The following DLG2 variants were observed in gnomAD, a reference collection of about 807,000 sequenced individuals.
DLG2 encodes discs large MAGUK scaffold protein 2, also known as disks large homolog 2.
DLG2 carries 45 observed loss-of-function variants against 132.5 expected under a neutral mutation model. The observed-to-expected ratio is 0.34, with a 90% confidence interval of 0.27 to 0.44. The LOEUF (loss-of-function observed/expected upper bound fraction) is 0.44, where lower values mean the gene tolerates loss of function less well. Ranked by LOEUF, DLG2 falls within the 20% of genes least tolerant of loss-of-function variation. DLG2 has a pLI of 1.00. For synonymous variants in DLG2, 424 were observed against 419.6 expected (o/e 1.01, Z -0.13); for missense variants, 1,045 against 1,196.9 (o/e 0.87, Z 1.87).
In DLG2 at chr11:85,441,704, T is replaced by A. The variant is rs144028131; in HGVS notation, c.41-156339A>T. Among the ~76,000 whole-genome samples the A allele has an allele frequency of 5.3e-5, 8 of 152,330 alleles. No individual in the cohort carries two copies. The East Asian group carries it at 1.4e-3, about 26-fold the overall frequency. ...CACAAAGTGTGGTAAATGCTATGAT[T>A]CACTCATCTAAAAACTACTGTTAGG... On this transcript the variant is annotated intron_variant, in intron 3 of 27. Coordinates refer to ENST00000376104, the MANE Select transcript of DLG2 (RefSeq NM_001142699.3).
At chr11:85,615,102 A>G (rs1192809889) in intron 2 of DLG2, among the ~76,000 whole-genome samples, 1 of 152,244 alleles carries the variant, frequency 6.6e-6, no homozygotes, top group East Asian at 1.9e-4. Context: ...TATTAATAGT[A>G]TAAAACGGTA....
chr11:83,489,880 G>C (rs1345972880), intron 21 of DLG2, among the ~76,000 whole-genome samples: 3 of 151,966 alleles, frequency 2.0e-5, no homozygotes, highest in African/African-American at 4.8e-5. Context: ...CACTGTGAAA[G>C]AAAGGTGAGA....
intron 6 of DLG2, among the ~76,000 whole-genome samples, chr11:85,044,153 A>G (rs1169633567): frequency 6.6e-6 from 1 of 151,878 alleles, no homozygotes; most frequent in Non-Finnish European, 1.5e-5. Flanking sequence ...TCAAGTTTCC[A>G]TTAGCTATAA....
At chr11:84,562,749 CTTTTTTTT>C (rs1307584790) in intron 6 of DLG2, among the ~76,000 whole-genome samples, 1 of 144,014 alleles carries the variant, frequency 6.9e-6, no homozygotes, top group Non-Finnish European at 1.5e-5. Context: ...TTCTTTCTTT[CTTTTTTTT>C]TTTTTCTTTT....
chr11:85,110,630 C>A (rs541702635), intron 6 of DLG2, among the ~76,000 whole-genome samples: 1 of 152,032 alleles, frequency 6.6e-6, no homozygotes, highest in Non-Finnish European at 1.5e-5. Flanking sequence ...CCCACTTTCT[C>A]CCCCCTGCCA....
chr11:85,404,476 T>A (rs1301075099), intron 3 of DLG2, among the ~76,000 whole-genome samples: 3 of 151,958 alleles, frequency 2.0e-5, no homozygotes, highest in Non-Finnish European at 4.4e-5. Flanking sequence ...GAGTAGGGAT[T>A]ATAAAAATTA....
At chr11:83,811,159 T>C (rs1304706132) in intron 17 of DLG2, among the ~76,000 whole-genome samples, 1 of 152,176 alleles carries the variant, frequency 6.6e-6, no homozygotes, top group Non-Finnish European at 1.5e-5. Context: ...TGCAGAGTTA[T>C]ATTGAGAACT....
At chr11:84,639,140 G>A (rs1348108095) in intron 6 of DLG2, among the ~76,000 whole-genome samples, 1 of 152,004 alleles carries the variant, frequency 6.6e-6, no homozygotes, top group Admixed American at 6.6e-5. Context: ...TCCTCATTCA[G>A]TAAACCAATA....
intron 8 of DLG2, among the ~76,000 whole-genome samples, chr11:84,204,056 C>T (rs1159855631): frequency 6.6e-6 from 1 of 152,170 alleles, no homozygotes; most frequent in Non-Finnish European, 1.5e-5. Context: ...CTCCCAGGTT[C>T]AAGTGATTCT....
chr11:83,917,070 T>A (rs1366581465), intron 15 of DLG2, among the ~76,000 whole-genome samples: 1 of 152,196 alleles, frequency 6.6e-6, no homozygotes, highest in Admixed American at 6.5e-5. Context: ...TTTAGGCTTA[T>A]TTGCAATGTG....
rs148707784 is a variant in DLG2 at position 84,772,639 on chromosome 11, C to T, written c.358-237908G>A. 1.3e-3 allele frequency among the ~76,000 whole-genome samples: 203 copies of T among 152,154 alleles called. 4 individuals are homozygous for T. The East Asian group carries it at 0.017, about 13-fold the overall frequency. On this transcript the variant is annotated intron_variant, in intron 6 of 27. Transcript: ENST00000376104. ...ATAAAAAAAGAAACCAATACCAAGA[C>T]GAACTCTCAAGACCACACAATTACA... is the stretch of plus-strand genomic sequence containing the variant.
intron 9 of DLG2, among the ~76,000 whole-genome samples, chr11:84,139,454 T>TACAGAAATATAGAGCCAAA (rs1555371041): frequency 6.6e-6 from 1 of 152,156 alleles, no homozygotes; most frequent in African/African-American, 2.4e-5. Flanking sequence ...AGATTGACGC[T>TACAGAAATATAGAGCCAAA]GGTTTCTCAA....
intron 11 of DLG2, among the ~76,000 whole-genome samples, chr11:84,055,985 C>A (rs1365340871): frequency 6.6e-6 from 1 of 152,034 alleles, no homozygotes; most frequent in East Asian, 1.9e-4. Flanking sequence ...CCAGTTAGCT[C>A]AGTTGGCTAC....
intron 3 of DLG2, among the ~76,000 whole-genome samples, chr11:85,391,579 A>G (rs1354532813): frequency 1.3e-5 from 2 of 152,094 alleles, no homozygotes; most frequent in Non-Finnish European, 2.9e-5. Flanking sequence ...TATGAAAAAG[A>G]TCATCCACCA....
chr11:84,136,481 C>T (rs1203020991), intron 9 of DLG2, among the ~76,000 whole-genome samples: 2 of 152,094 alleles, frequency 1.3e-5, no homozygotes, highest in African/African-American at 2.4e-5. Flanking sequence ...ATCATCATCA[C>T]ATCTGTGCTA....
At chr11:85,593,933 C>T (rs1264179372) in intron 3 of DLG2, among the ~76,000 whole-genome samples, 1 of 151,858 alleles carries the variant, frequency 6.6e-6, no homozygotes, top group Non-Finnish European at 1.5e-5. Flanking sequence ...ATTGACTGTC[C>T]TCTATAGCTT....
At chr11:85,285,881 C>T (rs2078520793) in intron 3 of DLG2, among the ~76,000 whole-genome samples, 1 of 151,790 alleles carries the variant, frequency 6.6e-6, no homozygotes, top group Non-Finnish European at 1.5e-5. Flanking sequence ...TCTAATGATA[C>T]TGTAGTGTTG....
At chr11:85,509,377 T>G (rs1224417871) in intron 3 of DLG2, among the ~76,000 whole-genome samples, 1 of 152,028 alleles carries the variant, frequency 6.6e-6, no homozygotes, top group Non-Finnish European at 1.5e-5. Context: ...CCTAAAGGAA[T>G]TCTCAAAAGT....
chr11:83,671,247 T>G (rs1026896753), intron 18 of DLG2, among the ~76,000 whole-genome samples: 1 of 152,214 alleles, frequency 6.6e-6, no homozygotes, highest in Non-Finnish European at 1.5e-5. Flanking sequence ...GCTGCATTTA[T>G]GGCTTTCCGT....
Sources: gnomAD v4.1 joint callset for allele counts (sites outside exome capture counted in the v4.1 genomes callset) on GRCh38, gnomAD v4.1.1 for gene constraint, MANE v1.5 for transcripts, NCBI Gene and HGNC (gene_info 2026-07-23, HGNC 2026-07-21) for gene names.